MVB12B: variants seen among roughly 807,000 people sequenced by gnomAD.
MVB12B encodes the protein ESCRT-I complex subunit MVB12B.
A neutral mutation model predicts 41.6 loss-of-function variants in MVB12B; 16 were observed. The observed-to-expected ratio is 0.38, with a 90% CI of 0.26 to 0.58. The LOEUF is 0.58. Among genes scored for constraint, MVB12B ranks in the 20% least tolerant of loss-of-function variants. The probability of loss-of-function intolerance (pLI) is 0.62; values close to 1 mark genes in which losing one functional copy is unlikely to be tolerated. For missense variants in MVB12B, 274 were observed against 380.2 expected (o/e 0.72, Z 2.32); for synonymous variants, 133 against 139.7 (o/e 0.95, Z 0.34).
At chr9:126,457,381 C>T (rs1833004461) in intron 7 of MVB12B, among the ~76,000 whole-genome samples, 2 of 152,334 alleles carry the variant, frequency 1.3e-5, no homozygotes, top group South Asian at 4.1e-4. Context: ...CTGCATCTGA[C>T]TGGCTCGCTC....
rs143344971 is a variant in MVB12B at position 126,451,005 on chromosome 9, T to C, written c.757+29057T>C. On this transcript the variant is annotated intron_variant, in intron 7 of 9. Coordinates refer to ENST00000361171, the MANE Select transcript of MVB12B (RefSeq NM_033446.3). ...GCACTGTTTGGCCTTTCTCCCATGG[T>C]GACTGGGCTCTGCGGTGAGTGGCTG... Among the ~76,000 whole-genome samples the C allele has an allele frequency of 5.0e-3, 760 of 152,312 alleles. 7 individuals are homozygous for C. The highest frequency in any genetic ancestry group is 0.017 in the African/African-American group (702 of 41,568).
At chr9:126,401,959 T>C (rs1405514423) in intron 6 of MVB12B, among the ~76,000 whole-genome samples, 1 of 152,212 alleles carries the variant, frequency 6.6e-6, no homozygotes, top group Admixed American at 6.5e-5. Flanking sequence ...ATGTCACCTG[T>C]CCTGTTGTTG....
rs527335661 is a variant in MVB12B, at chr9:126,480,494, T to A, written c.758-875T>A. Among the ~76,000 whole-genome samples the A allele has an allele frequency of 7.2e-5, 11 of 152,182 alleles. No individual in the cohort carries two copies. The highest frequency in any genetic ancestry group is 2.7e-4 in the African/African-American group (11 of 41,434). The stretch of plus-strand genomic sequence containing the variant: ...TTACGGAGGCACACCCTGGGTCGTT[T>A]CTGTCCGTGTGCTTTTGAAAGCGAT... On this transcript the variant is annotated intron_variant, in intron 7 of 9. Transcript: ENST00000361171. This position sits in a 1 kb window ranked among gnomAD's most constrained non-coding sequence, Gnocchi z 4.9.
intron 6 of MVB12B, among the ~76,000 whole-genome samples, chr9:126,414,648 C>T (rs10987272): frequency 0.12 from 18,609 of 152,006 alleles, 1,537 homozygotes; most frequent in East Asian, 0.38. Context: ...GACAGTTTCT[C>T]GAGCCTTTGA....
Position 126,500,664 on chromosome 9 carries a change from T to G in MVB12B, c.874-2513T>G, listed in dbSNP as rs1302816468. The stretch of plus-strand genomic sequence containing the variant: ...CAGAGTTGAAAAGCCTGCTGCATGT[T>G]CTCTCCTGAGCCGGGGCTGATGGCC... On this transcript the variant is annotated intron_variant, in intron 9 of 9. Transcript: ENST00000361171. 1.2e-4 allele frequency among the ~76,000 whole-genome samples: 19 copies of G among 152,206 alleles called. 1 individual carries two copies. The highest frequency in any genetic ancestry group is 1.2e-3 in the Admixed American group (19 of 15,284).
chr9:126,456,888 CA>C (rs1832995358), intron 7 of MVB12B, among the ~76,000 whole-genome samples: 1 of 88,588 alleles, frequency 1.1e-5, no homozygotes, highest in East Asian at 3.6e-4. Context: ...AAGCGTCTTA[CA>C]ATTCTGGAAC....
chr9:126,503,241 G>A lies in MVB12B; in HGVS notation c.938G>A (p.Cys313Tyr), dbSNP rs1373364905. Residue 313 changes from cysteine to tyrosine, a missense_variant, in exon 10 of 10, where the codon TGT becomes TAT. By Grantham distance (194) the Cys-to-Tyr change is radical. Coordinates refer to ENST00000361171, the MANE Select transcript of MVB12B (RefSeq NM_033446.3). The part of the protein sequence containing the change: ...AARLPPSPTR[C>Y]QQIPQS The stretch of plus-strand genomic sequence containing the variant: ...AGGCTCCCGCCCAGCCCCACCAGGT[G>A]TCAGCAGATCCCGCAGTCCTGAGGA... 4 of 1,550,432 alleles carry A rather than the reference G, an allele frequency of 2.6e-6. No individual in the cohort carries two copies. The highest frequency in any genetic ancestry group is 2.6e-6 in the Non-Finnish European group (3 of 1,146,918).
chr9:126,479,231 A>G (rs1026334290), intron 7 of MVB12B, among the ~76,000 whole-genome samples: 5 of 152,148 alleles, frequency 3.3e-5, no homozygotes, highest in Non-Finnish European at 5.9e-5. Flanking sequence ...GACTTCTCAG[A>G]GCCTCTGCTT....
rs1199934061 is a variant in MVB12B at position 126,340,396 on chromosome 9, A to G, written c.82-112A>G. ...CAGGACTCATTCAACCAGTACAGGT[A>G]TGTGAAACTCAGGGTATTTGCCCCA... On this transcript the variant is annotated intron_variant, in intron 1 of 9. Transcript: ENST00000361171. This position sits in a 1 kb window ranked among gnomAD's most constrained non-coding sequence, Gnocchi z 4.0. The G allele has an allele frequency of 3.3e-6, 4 of 1,197,550 alleles. No homozygotes were observed. The highest frequency in any genetic ancestry group is 4.8e-6 in the Non-Finnish European group (4 of 830,058). The allele number at this position is 1,197,550 out of a possible 1,614,324, so 74.2% of individuals were successfully genotyped here. A position where few individuals can be genotyped will look rare whatever the true frequency, so the allele number is the denominator to read the frequency against.
intron 7 of MVB12B, among the ~76,000 whole-genome samples, chr9:126,461,784 G>A (rs1322210908): frequency 6.6e-6 from 1 of 152,162 alleles, no homozygotes; most frequent in Non-Finnish European, 1.5e-5. Context: ...GGGTGGGTGG[G>A]CTGGTGGGTG....
At chr9:126,339,439 T>G (rs1183247538) in intron 1 of MVB12B, among the ~76,000 whole-genome samples, 3 of 152,202 alleles carry the variant, frequency 2.0e-5, no homozygotes, top group Non-Finnish European at 4.4e-5. Flanking sequence ...TAAAAGTACT[T>G]AGGTTCATTT....
chr9:126,495,191 CAAAAA>C (rs5900709), intron 9 of MVB12B, among the ~76,000 whole-genome samples: 2 of 131,912 alleles, frequency 1.5e-5, no homozygotes, highest in South Asian at 2.5e-4. Flanking sequence ...GATCCTGTCT[CAAAAA>C]AAAAAAAAAA....
intron 6 of MVB12B, among the ~76,000 whole-genome samples, chr9:126,414,061 T>A (rs990572427): frequency 6.6e-6 from 1 of 152,114 alleles, no homozygotes; most frequent in Non-Finnish European, 1.5e-5. Context: ...AGACCTGGAA[T>A]CAGCACTAGA....
At chr9:126,456,684 G>A (rs1024821910) in intron 7 of MVB12B, among the ~76,000 whole-genome samples, 6 of 152,232 alleles carry the variant, frequency 3.9e-5, no homozygotes, top group Admixed American at 1.3e-4. Flanking sequence ...CCTTGAACGC[G>A]CAGCTTCCTT....
chr9:126,455,008 A>G (rs764150990), intron 7 of MVB12B, among the ~76,000 whole-genome samples: 14 of 152,074 alleles, frequency 9.2e-5, no homozygotes, highest in Non-Finnish European at 2.1e-4. Flanking sequence ...CATGATGGCG[A>G]TTCCAGGAAG....
chr9:126,460,203 T>G (rs1273570313), intron 7 of MVB12B, among the ~76,000 whole-genome samples: 4 of 152,130 alleles, frequency 2.6e-5, no homozygotes, highest in African/African-American at 9.7e-5. Flanking sequence ...TGGACAAGGC[T>G]CCGTCACCAT....
At chr9:126,483,827 C>T in intron 8 of MVB12B, 146 bp from the exon 9 acceptor site, 1 of 804,910 alleles carries the variant, frequency 1.2e-6, no homozygotes, top group Middle Eastern at 2.3e-4. Flanking sequence ...GACCGAGAGT[C>T]CCACTGACTG....
chr9:126,467,587 G>A (rs532477904), intron 7 of MVB12B, among the ~76,000 whole-genome samples: 16 of 152,280 alleles, frequency 1.1e-4, no homozygotes, highest in Middle Eastern at 3.4e-3. Context: ...CATTTCTCCA[G>A]TATATAAGGA....
rs1831099551 is a variant in MVB12B at position 126,395,907 on chromosome 9, T to C, written c.662+210T>C. ...AAAGGCCATTCTATAGTCTATTTTGTGCGTGTTCTGCAGGCTTCTAAAATT... is the reference window on the plus strand; with the variant it reads ...AAAGGCCATTCTATAGTCTATTTTGCGCGTGTTCTGCAGGCTTCTAAAATT... On this transcript the variant is annotated intron_variant, in intron 6 of 9. Coordinates refer to ENST00000361171, the MANE Select transcript of MVB12B (RefSeq NM_033446.3). The surrounding 1 kb of genome is among the most constrained non-coding windows in gnomAD (Gnocchi z 4.9). 7.3e-7 allele frequency: 1 copy of C among 1,376,766 alleles called. No individual in the cohort carries two copies. Among genetic ancestry groups the C allele is most frequent in the Admixed American group, 3.3e-5 (1 of 30,002 alleles). The allele number at this position is 1,376,766 out of a possible 1,614,324, so 85.3% of individuals were successfully genotyped here.
Sources: allele counts gnomAD v4.1 joint callset (sites outside exome capture counted in the v4.1 genomes callset), GRCh38; gene constraint gnomAD v4.1.1; non-coding constraint Gnocchi (gnomAD v3.1); transcripts MANE v1.5; gene names NCBI Gene and HGNC (gene_info 2026-07-23, HGNC 2026-07-21).